Variants in ZBTB46 observed in about 807,000 individuals in gnomAD.
ZBTB46 encodes the protein zinc finger and BTB domain-containing protein 46.
Under a neutral mutation model 44.1 loss-of-function variants are expected in ZBTB46, and 8 were observed. The ratio of observed to expected loss-of-function variants is 0.18; its 90% CI spans 0.11 to 0.33. The LOEUF (loss-of-function observed/expected upper bound fraction) is 0.33. Ranked by LOEUF, ZBTB46 falls within the 10% of genes least tolerant of loss-of-function variation. The probability of loss-of-function intolerance (pLI) is 1.00; values close to 1 mark genes in which losing one functional copy is unlikely to be tolerated. For missense variants in ZBTB46, 651 were observed against 847.7 expected, an observed-to-expected ratio of 0.77 and a Z score of 2.88; for synonymous variants, 409 against 382.3, an observed-to-expected ratio of 1.07 and a Z score of -0.81.
At chr20:63,798,050 T>C (rs1432015291) in intron 1 of ZBTB46, among the ~76,000 whole-genome samples, 1 of 152,248 alleles carries the variant, frequency 6.6e-6, no homozygotes, top group African/African-American at 2.4e-5. Flanking sequence ...CTTTTGGTGT[T>C]TTAGACATGA....
intron 2 of ZBTB46, among the ~76,000 whole-genome samples, chr20:63,783,398 C>CA (rs1200671813): frequency 6.6e-6 from 1 of 152,230 alleles, no homozygotes; most frequent in African/African-American, 2.4e-5. Context: ...CATTGCACTC[C>CA]AGCCTGGCGA....
chr20:63,755,320 C>CT (rs2092210066), intron 3 of ZBTB46, among the ~76,000 whole-genome samples: 1 of 152,244 alleles, frequency 6.6e-6, no homozygotes, highest in Admixed American at 6.5e-5. Context: ...GAGATCAAGG[C>CT]ATCAGCACGG....
chr20:63,811,721 GCTGCTGTCTGACTC>G lies in ZBTB46; in HGVS notation c.-34+19362_-34+19375del, dbSNP rs541111737. 3.3e-4 allele frequency among the ~76,000 whole-genome samples: 51 copies of G among 152,274 alleles called. No homozygotes were observed. The South Asian group carries it at 9.1e-3, about 27-fold the overall frequency. ...GCTCTACCCCGCTGGGAAGAGAGCT[GCTGCTGTCTGACTC>G]CCTGCCACATGAGGACTCAGGACTC... is the stretch of plus-strand genomic sequence containing the variant. On this transcript the variant is annotated intron_variant, in intron 1 of 4. Transcript: ENST00000245663.
chr20:63,808,899 C>G (rs1382597007), intron 1 of ZBTB46, among the ~76,000 whole-genome samples: 2 of 148,004 alleles, frequency 1.4e-5, no homozygotes, highest in African/African-American at 5.0e-5. Context: ...ATGGCGGGAA[C>G]CCGGGGGGCG....
rs2092101062 is a variant in ZBTB46, at chr20:63,747,196, T to G, written c.1504A>C (p.Thr502Pro). 6.2e-7 allele frequency: 1 copy of G among 1,606,426 alleles called. No homozygotes were observed. The highest frequency in any genetic ancestry group is 1.3e-5 in the African/African-American group (1 of 74,518). ...GCCATGCCGCGGCCAGCACAGTCGG[T>G]GCACACACCGTGGCGCCTGGAGCCA... The part of the protein sequence containing the change: ...RHGSRRHGVC[T>P]DCAGRGMAGP... Residue 502 changes from threonine to proline, a missense_variant, in exon 5 of 5, where the codon ACC (threonine) becomes CCC (proline). By Grantham distance (38) the Thr-to-Pro change is conservative. This residue lies in a region of ZBTB46 where 75 missense variants were observed against 107.8 expected (regional missense o/e 0.70). Transcript: ENST00000245663.
chr20:63,830,297 A>G (rs1253222340), intron 1 of ZBTB46, among the ~76,000 whole-genome samples: 1 of 152,098 alleles, frequency 6.6e-6, no homozygotes, highest in Non-Finnish European at 1.5e-5. Context: ...TTGAGTTGTC[A>G]GACACCGGCT....
chr20:63,794,373 G>A (rs2092584929), intron 1 of ZBTB46, among the ~76,000 whole-genome samples: 1 of 151,922 alleles, frequency 6.6e-6, no homozygotes. Context: ...TTCATTTTTT[G>A]TAGTGACAGG....
Position 63,745,952 on chromosome 20 carries a change from C to G in ZBTB46, c.*978G>C, listed in dbSNP as rs1169334366. The G allele has an allele frequency of 6.5e-6, 1 of 152,694 alleles. No individual in the cohort carries two copies. Among genetic ancestry groups the G allele is most frequent in the Non-Finnish European group, 1.5e-5 (1 of 68,060 alleles). The allele number at this position is 152,694 out of a possible 1,614,324, so 9.5% of individuals were successfully genotyped here. A position where few individuals can be genotyped will look rare whatever the true frequency, so the allele number is the denominator to read the frequency against. On this transcript the variant is annotated 3_prime_UTR_variant, in exon 5 of 5. Transcript: ENST00000245663. ...TGCCAAACAAAATAATTTTATGTAA[C>G]TACCTCGATATGTCTCTGACTACTT...
At chr20:63,828,224 A>C (rs1260188204) in intron 1 of ZBTB46, among the ~76,000 whole-genome samples, 2 of 152,254 alleles carry the variant, frequency 1.3e-5, no homozygotes, top group Non-Finnish European at 2.9e-5. Context: ...AAAGGGTCTA[A>C]GTGATAACAG....
intron 2 of ZBTB46, among the ~76,000 whole-genome samples, chr20:63,784,820 G>A (rs1368202967): frequency 6.6e-6 from 1 of 152,234 alleles, no homozygotes; most frequent in East Asian, 1.9e-4. Flanking sequence ...TCCCTGCCTA[G>A]AAAATCACTC....
At position 63,789,216 on chromosome 20, in the gene ZBTB46, A is replaced by G. The variant is rs2092539973; in HGVS notation, c.937+605T>C. 3.3e-5 allele frequency among the ~76,000 whole-genome samples: 5 copies of G among 152,142 alleles called. 1 individual carries two copies. In the South Asian group the frequency reaches 1.0e-3, roughly 32 times the overall value. ...ACCCACAGGTGTCAGCAGACACAAAATCCACTTGCCGGGAAAGGCTGCTTC... is the reference window on the plus strand; with the variant it reads ...ACCCACAGGTGTCAGCAGACACAAAGTCCACTTGCCGGGAAAGGCTGCTTC... On this transcript the variant is annotated intron_variant, in intron 2 of 4. Transcript: ENST00000245663.
chr20:63,752,901 G>T lies in ZBTB46; in HGVS notation c.1223-40C>A. 6.4e-7 allele frequency: 1 copy of T among 1,561,318 alleles called. No homozygotes were observed. ...CCCGCGAGGCGTCAGCAGGGCTTGGGATGTACCGCCCTGCGGCCCACAGAC... is the reference window on the plus strand; with the variant it reads ...CCCGCGAGGCGTCAGCAGGGCTTGGTATGTACCGCCCTGCGGCCCACAGAC... On this transcript the variant is annotated intron_variant, in intron 3 of 4. Transcript: ENST00000245663. The surrounding 1 kb of genome is among the most constrained non-coding windows in gnomAD (Gnocchi z 5.6).
At position 63,790,160 on chromosome 20, in the gene ZBTB46, C is replaced by T. The variant is rs745886156; in HGVS notation, c.598G>A (p.Asp200Asn). The change falls in exon 2 of 5, where the codon GAT (aspartate) becomes AAT (asparagine). Residue 200 changes from aspartate (D) to asparagine (N), a missense_variant. Around this residue, in one of 5 missense-constraint regions of ZBTB46, gnomAD observed 385 missense variants for 423.3 expected, o/e 0.91. Coordinates refer to ENST00000245663, the MANE Select transcript of ZBTB46 (RefSeq NM_001369741.1). ...GGGCCATCGGCCTTGGGCTCCTGAT[C>T]CTCTTTCCCGTAGCTGCTCCCTCCG... Reference protein sequence around the residue: ...HDGGSSYGKEDQEPKADGPDD... With the variant: ...HDGGSSYGKENQEPKADGPDD... 4.6e-5 allele frequency: 74 copies of T among 1,613,770 alleles called. No individual in the cohort carries two copies. Among genetic ancestry groups the T allele is most frequent in the Non-Finnish European group, 6.2e-5 (73 of 1,180,028 alleles).
At chr20:63,782,197 A>AG (rs2092476491) in intron 2 of ZBTB46, among the ~76,000 whole-genome samples, 1 of 150,872 alleles carries the variant, frequency 6.6e-6, no homozygotes, top group Non-Finnish European at 1.5e-5. Flanking sequence ...CCAGGCTGCA[A>AG]CCCCCGAGCC....
intron 4 of ZBTB46, among the ~76,000 whole-genome samples, chr20:63,749,458 T>A (rs1287235712): frequency 3.3e-5 from 5 of 152,190 alleles, no homozygotes; most frequent in African/African-American, 4.8e-5. Flanking sequence ...TGCCTCAGCC[T>A]CCCAAGTAGC....
Position 63,752,603 on chromosome 20 carries a change from G to A in ZBTB46, c.1398+83C>T, listed in dbSNP as rs1015011241. The A allele has an allele frequency of 3.6e-6, 5 of 1,406,482 alleles. No individual in the cohort carries two copies. The African/African-American group carries it at 7.3e-5, about 21-fold the overall frequency. The allele number at this position is 1,406,482 out of a possible 1,614,324, so 87.1% of individuals were successfully genotyped here. A position where few individuals can be genotyped will look rare whatever the true frequency, so the allele number is the denominator to read the frequency against. ...GTGGACCCGGTGTGGGGTCCGGGGC[G>A]GTCTGCGCCCTCATCAGGACCCGCC... On this transcript the variant is annotated intron_variant, in intron 4 of 4. Coordinates refer to ENST00000245663, the MANE Select transcript of ZBTB46 (RefSeq NM_001369741.1). This position sits in a 1 kb window ranked among gnomAD's most constrained non-coding sequence, Gnocchi z 5.6.
chr20:63,805,394 C>T lies in ZBTB46; in HGVS notation c.-33-14604G>A, dbSNP rs1267172529. ...CAGAATCACTTGAGCCCAGGAGTTG[C>T]AGGCTGCAGTCAGTGAGCTCCGATT... On this transcript the variant is annotated intron_variant, in intron 1 of 4. Coordinates refer to ENST00000245663, the MANE Select transcript of ZBTB46 (RefSeq NM_001369741.1). Among the ~76,000 whole-genome samples, 11 of 152,080 alleles carry T rather than the reference C, an allele frequency of 7.2e-5. 1 individual carries two copies.
intron 2 of ZBTB46, among the ~76,000 whole-genome samples, chr20:63,783,244 A>G (rs1489614778): frequency 1.3e-5 from 2 of 151,930 alleles, no homozygotes; most frequent in Non-Finnish European, 2.9e-5. Context: ...CCTGGCCAAC[A>G]TGGCAAAACC....
chr20:63,766,773 G>A (rs780197219), intron 3 of ZBTB46, among the ~76,000 whole-genome samples: 1 of 152,198 alleles, frequency 6.6e-6, no homozygotes, highest in Non-Finnish European at 1.5e-5. Flanking sequence ...ATAAAGATTT[G>A]AGGAACCAGG....
Sources: gnomAD v4.1 joint callset for allele counts (sites outside exome capture counted in the v4.1 genomes callset) on GRCh38, gnomAD v4.1.1 for gene constraint, gnomAD v4.1.1 regional missense constraint, Gnocchi (gnomAD v3.1) non-coding constraint, MANE v1.5 for transcripts, NCBI Gene and HGNC (gene_info 2026-07-23, HGNC 2026-07-21) for gene names.